The following ZNF525 variants were observed in gnomAD, a reference collection of about 807,000 sequenced individuals.
ZNF525 encodes zinc finger protein 525.
Under a neutral mutation model 37.6 loss-of-function variants are expected in ZNF525, and 33 were observed. The ratio of observed to expected loss-of-function variants is 0.88; its 90% CI spans 0.67 to 1.17. The LOEUF (loss-of-function observed/expected upper bound fraction) is 1.17, where lower values mean the gene tolerates loss of function less well. Ranked by LOEUF, ZNF525 falls within the 50% of genes most tolerant of loss-of-function variation. ZNF525 has a pLI of 0.00. For synonymous variants in ZNF525, 170 were observed against 182.3 expected, an observed-to-expected ratio of 0.93 and a Z score of 0.54; for missense variants, 449 against 543.1, an observed-to-expected ratio of 0.83 and a Z score of 1.72.
intron 1 of ZNF525, among the ~76,000 whole-genome samples, chr19:53,370,170 T>C (rs1440240582): frequency 2.7e-5 from 4 of 150,500 alleles, no homozygotes; most frequent in South Asian, 2.1e-4. Context: ...CCTGTAATCC[T>C]AGCACTTTGG....
At chr19:53,374,239 A>G (rs1392368076) in intron 2 of ZNF525, among the ~76,000 whole-genome samples, 1 of 152,116 alleles carries the variant, frequency 6.6e-6, no homozygotes, top group Non-Finnish European at 1.5e-5. Context: ...ACTCTCAAGC[A>G]GACCTCAGTG....
At position 53,386,263 on chromosome 19, in the gene ZNF525, C is replaced by T. The variant is rs1008723712; in HGVS notation, c.*4244C>T. On this transcript the variant is annotated 3_prime_UTR_variant, in exon 4 of 4. Transcript: ENST00000474037. Reference sequence around the variant, plus strand: ...TTCTCAGAAGACTTTCAGGATTAAGCGATTCCTGGCCAAGAAACAAAAGCA... The same window carrying T: ...TTCTCAGAAGACTTTCAGGATTAAGTGATTCCTGGCCAAGAAACAAAAGCA... The T allele has an allele frequency of 3.0e-5, 20 of 669,548 alleles. No individual in the cohort carries two copies. In the East Asian group the frequency reaches 3.1e-4, roughly 10 times the overall value. The allele number at this position is 669,548 out of a possible 1,614,324, so 41.5% of individuals were successfully genotyped here. A position where few individuals can be genotyped will look rare whatever the true frequency, so the allele number is the denominator to read the frequency against.
At chr19:53,376,479 T>C (rs2085523297) in intron 3 of ZNF525, 1 of 588,060 alleles carries the variant, frequency 1.7e-6, no homozygotes, top group Non-Finnish European at 3.0e-6. Context: ...TTATTTTGTT[T>C]TTTCAGGTTT....
intron 2 of ZNF525, among the ~76,000 whole-genome samples, chr19:53,373,560 C>T (rs1600016519): frequency 3.3e-5 from 5 of 152,094 alleles, no homozygotes; most frequent in Admixed American, 2.6e-4. Flanking sequence ...ACTGGGGAGC[C>T]GCTACTGTCA....
chr19:53,386,172 G>T lies in ZNF525; in HGVS notation c.*4153G>T. 8 of 490,474 alleles carry T rather than the reference G, an allele frequency of 1.6e-5. No homozygotes were observed. The highest frequency in any genetic ancestry group is 2.7e-5 in the Admixed American group (1 of 37,060). 30.4% of individuals were successfully genotyped at this position (490,474 alleles called of 1,614,324 possible). A position where few individuals can be genotyped will look rare whatever the true frequency, so the allele number is the denominator to read the frequency against. ...ACTCCATCTCAAAAAAAAAAAAATT[G>T]TCAAGTTCCTTCTCTTCCATTCTTT... On this transcript the variant is annotated 3_prime_UTR_variant, in exon 4 of 4. Coordinates refer to ENST00000474037, the MANE Select transcript of ZNF525 (RefSeq NM_001348156.2).
intron 3 of ZNF525, chr19:53,376,103 C>G (rs1298510009): frequency 5.2e-6 from 6 of 1,154,932 alleles, no homozygotes; most frequent in South Asian, 1.3e-5. Context: ...TGCCACCATG[C>G]CAGGATACTT....
chr19:53,386,379 G>T lies in ZNF525; in HGVS notation c.*4360G>T. 1.1e-6 allele frequency: 1 copy of T among 870,816 alleles called. No individual in the cohort carries two copies. 53.9% of individuals were successfully genotyped at this position (870,816 alleles called of 1,614,324 possible). A position where few individuals can be genotyped will look rare whatever the true frequency, so the allele number is the denominator to read the frequency against. On this transcript the variant is annotated 3_prime_UTR_variant, in exon 4 of 4. Coordinates refer to ENST00000474037, the MANE Select transcript of ZNF525 (RefSeq NM_001348156.2). ...GGAGACATTGGAGAAGAACCAAGCT[G>T]GGTCTATAAGGAATTGCATGTGAGA... is the stretch of plus-strand genomic sequence containing the variant.
In ZNF525 at chr19:53,383,392, A is replaced by G; in HGVS notation, c.*1373A>G. 1 of 1,137,296 alleles carries G rather than the reference A, an allele frequency of 8.8e-7. No homozygotes were observed. The highest frequency in any genetic ancestry group is 1.2e-5 in the South Asian group (1 of 81,074). 70.5% of individuals were successfully genotyped at this position (1,137,296 alleles called of 1,614,324 possible). ...CATCATAGAATTCATACTGGAGAGAAACCTTAGAAATGTGAAGAATGTGAC... is the reference window on the plus strand; with the variant it reads ...CATCATAGAATTCATACTGGAGAGAGACCTTAGAAATGTGAAGAATGTGAC... On this transcript the variant is annotated 3_prime_UTR_variant, in exon 4 of 4. Transcript: ENST00000474037.
rs2085572979 is a variant in ZNF525, at chr19:53,382,381, A to G, written c.*362A>G. 3 of 1,106,720 alleles carry G rather than the reference A, an allele frequency of 2.7e-6. No individual in the cohort carries two copies. Among genetic ancestry groups the G allele is most frequent in the Non-Finnish European group, 4.1e-6 (3 of 723,374 alleles). 68.6% of individuals were successfully genotyped at this position (1,106,720 alleles called of 1,614,324 possible). On this transcript the variant is annotated 3_prime_UTR_variant, in exon 4 of 4. Coordinates refer to ENST00000474037, the MANE Select transcript of ZNF525 (RefSeq NM_001348156.2). ...AATCTTGAAAGACATAGGAGAATTCATAATGGAGAGAAACCGTACAAGTGT... is the reference window on the plus strand; with the variant it reads ...AATCTTGAAAGACATAGGAGAATTCGTAATGGAGAGAAACCGTACAAGTGT...
chr19:53,370,223 A>T (rs959039953), intron 1 of ZNF525, among the ~76,000 whole-genome samples: 1 of 149,762 alleles, frequency 6.7e-6, no homozygotes, highest in Admixed American at 6.7e-5. Flanking sequence ...GATCGAGATT[A>T]TCCTGGCTAA....
At chr19:53,367,911 T>C (rs1237075167) in intron 1 of ZNF525, among the ~76,000 whole-genome samples, 2 of 152,184 alleles carry the variant, frequency 1.3e-5, no homozygotes, top group African/African-American at 4.8e-5. Context: ...AGCGTGTAAA[T>C]CGGGGTGCGA....
intron 3 of ZNF525, among the ~76,000 whole-genome samples, chr19:53,379,875 G>A (rs1285298603): frequency 1.3e-5 from 2 of 152,118 alleles, no homozygotes; most frequent in East Asian, 3.9e-4. Context: ...GCTGGCATGT[G>A]CCTGTAATCC....
chr19:53,369,549 C>T (rs1190096664), intron 1 of ZNF525, among the ~76,000 whole-genome samples: 2 of 147,392 alleles, frequency 1.4e-5, no homozygotes, highest in East Asian at 3.9e-4. Context: ...TTGATGGAAA[C>T]AATTTGCTTA....
intron 1 of ZNF525, among the ~76,000 whole-genome samples, chr19:53,371,885 G>A (rs2085490418): frequency 6.6e-6 from 1 of 152,154 alleles, no homozygotes; most frequent in Non-Finnish European, 1.5e-5. Flanking sequence ...CTGAGCTCAA[G>A]CGATCTACCC....
chr19:53,367,990 GTCTGTATCTTTCTAATCT>G (rs1289444511), intron 1 of ZNF525, among the ~76,000 whole-genome samples: 1 of 152,170 alleles, frequency 6.6e-6, no homozygotes, highest in African/African-American at 2.4e-5. Flanking sequence ...CAGGGGGCCA[GTCTGTATCTTTCTAATCT>G]TCTATTTTTA....
chr19:53,381,806 A>G lies in ZNF525; in HGVS notation c.1227A>G (p.Lys409=), dbSNP rs1326008478. The G allele has an allele frequency of 1.9e-6, 2 of 1,064,340 alleles. No individual in the cohort carries two copies. Among genetic ancestry groups the G allele is most frequent in the East Asian group, 4.7e-5 (2 of 42,486 alleles). 65.9% of individuals were successfully genotyped at this position (1,064,340 alleles called of 1,614,324 possible). ...ATCGTAGACTTCATACTGGAGAGAA[A>G]CCTTACAAGTGTGAAGAATGTGATG... ...TCHRRLHTGE[K]PYKCEECDEA... The change falls in exon 4 of 4, where the codon AAA becomes AAG. Residue 409 remains lysine, a synonymous_variant. Coordinates refer to ENST00000474037, the MANE Select transcript of ZNF525 (RefSeq NM_001348156.2).
Position 53,382,841 on chromosome 19 carries a change from T to C in ZNF525, c.*822T>C. 7.7e-7 allele frequency: 1 copy of C among 1,298,724 alleles called. No homozygotes were observed. Among genetic ancestry groups the C allele is most frequent in the Admixed American group, 1.8e-5 (1 of 55,752 alleles). 80.5% of individuals were successfully genotyped at this position (1,298,724 alleles called of 1,614,324 possible). A position where few individuals can be genotyped will look rare whatever the true frequency, so the allele number is the denominator to read the frequency against. On this transcript the variant is annotated 3_prime_UTR_variant, in exon 4 of 4. Transcript: ENST00000474037. Reference sequence around the variant, plus strand: ...CAAATGTGAAGAATGTGATAAAGCTTTCAGATTCAAATCAAACCTTGAAAG... The same window carrying C: ...CAAATGTGAAGAATGTGATAAAGCTCTCAGATTCAAATCAAACCTTGAAAG...
chr19:53,384,920 T>C lies in ZNF525; in HGVS notation c.*2901T>C, dbSNP rs1264077581. The stretch of plus-strand genomic sequence containing the variant: ...GGTTATTTACTCATTTGTCATTTCA[T>C]GGATGTTCTTTCTATTGTTGAGGTA... On this transcript the variant is annotated 3_prime_UTR_variant, in exon 4 of 4. Coordinates refer to ENST00000474037, the MANE Select transcript of ZNF525 (RefSeq NM_001348156.2). The C allele has an allele frequency of 1.4e-6, 1 of 699,908 alleles. No individual in the cohort carries two copies. The highest frequency in any genetic ancestry group is 2.6e-6 in the Non-Finnish European group (1 of 384,100). The allele number at this position is 699,908 out of a possible 1,614,324, so 43.4% of individuals were successfully genotyped here.
chr19:53,372,343 A>T (rs761247954), intron 2 of ZNF525, 47 bp downstream of exon 2: 8 of 759,476 alleles, frequency 1.1e-5, no homozygotes, highest in Non-Finnish European at 1.7e-5. Context: ...TCCTTTCAGA[A>T]ATGCTGACCT....
Sources: gnomAD v4.1 joint callset for allele counts (sites outside exome capture counted in the v4.1 genomes callset) on GRCh38, gnomAD v4.1.1 for gene constraint, MANE v1.5 for transcripts, NCBI Gene and HGNC (gene_info 2026-07-23, HGNC 2026-07-21) for gene names.